The following ZNF385D variants were observed in gnomAD, a reference collection of about 807,000 sequenced individuals.
ZNF385D encodes zinc finger protein 659.
Under a neutral mutation model 35.8 loss-of-function variants are expected in ZNF385D, and 15 were observed. The observed-to-expected ratio is 0.42, with a 90% confidence interval of 0.28 to 0.64. ZNF385D has a LOEUF of 0.64. Among genes scored for constraint, ZNF385D ranks in the 30% least tolerant of loss-of-function variants. The pLI is 0.23. For synonymous variants in ZNF385D, 212 were observed against 186.8 expected, an observed-to-expected ratio of 1.13 and a Z score of -1.10; for missense variants, 474 against 494.6, an observed-to-expected ratio of 0.96 and a Z score of 0.39.
intron 3 of ZNF385D, among the ~76,000 whole-genome samples, chr3:21,938,385 G>A (rs1411573512): frequency 6.6e-6 from 1 of 152,104 alleles, no homozygotes; most frequent in Non-Finnish European, 1.5e-5. Flanking sequence ...AACTTAATTG[G>A]GCTGCAAGTG....
intron 3 of ZNF385D, among the ~76,000 whole-genome samples, chr3:21,862,287 T>G (rs1479263650): frequency 1.4e-5 from 2 of 145,364 alleles, no homozygotes; most frequent in African/African-American, 4.9e-5. Flanking sequence ...AGGCAGGATA[T>G]CTCTACTTTT....
chr3:21,813,703 G>C (rs1018820871), intron 3 of ZNF385D, among the ~76,000 whole-genome samples: 1 of 151,356 alleles, frequency 6.6e-6, no homozygotes, highest in Admixed American at 6.6e-5. Context: ...GGGACTCTGT[G>C]AAAAGACCAA....
intron 1 of ZNF385D, among the ~76,000 whole-genome samples, chr3:21,697,391 A>T (rs375014058): frequency 6.6e-6 from 1 of 152,174 alleles, no homozygotes; most frequent in African/African-American, 2.4e-5. Flanking sequence ...CTGACAATAA[A>T]AAGTTTCGTG....
intron 2 of ZNF385D, among the ~76,000 whole-genome samples, chr3:21,650,867 G>T (rs9864367): frequency 0.23 from 35,702 of 151,960 alleles, 4,343 homozygotes; most frequent in East Asian, 0.31. Context: ...GTTAACTGAT[G>T]GGAAGTTTTT....
intron 4 of ZNF385D, among the ~76,000 whole-genome samples, chr3:21,449,758 C>A (rs1278181770): frequency 6.6e-6 from 1 of 152,166 alleles, no homozygotes; most frequent in African/African-American, 2.4e-5. Context: ...AAAGCCTTAT[C>A]ATGGATGTGA....
chr3:21,619,413 CGTGTGTGTGTGTGT>C, intron 2 of ZNF385D, among the ~76,000 whole-genome samples: 1 of 147,856 alleles, frequency 6.8e-6, no homozygotes, highest in African/African-American at 2.5e-5. Context: ...CGTGTGTGTG[CGTGTGTGTGTGTGT>C]GTGTGTGTGT....
At chr3:21,918,144 C>CAA (rs1375466864) in intron 3 of ZNF385D, among the ~76,000 whole-genome samples, 2 of 152,040 alleles carry the variant, frequency 1.3e-5, no homozygotes, top group Non-Finnish European at 2.9e-5. Flanking sequence ...AATGTTTAGC[C>CAA]AAATTTTAAA....
intron 3 of ZNF385D, among the ~76,000 whole-genome samples, chr3:22,040,868 G>A (rs1698623912): frequency 6.6e-6 from 1 of 152,050 alleles, no homozygotes; most frequent in African/African-American, 2.4e-5. Context: ...CAATGGTCAA[G>A]TGTCTTGCTT....
chr3:22,184,939 T>A (rs1286667816), intron 2 of ZNF385D, among the ~76,000 whole-genome samples: 1 of 152,144 alleles, frequency 6.6e-6, no homozygotes, highest in African/African-American at 2.4e-5. Flanking sequence ...ATTTTTTTAA[T>A]CTTATTTTTT....
intron 2 of ZNF385D, among the ~76,000 whole-genome samples, chr3:22,280,582 T>C (rs1207024142): frequency 6.6e-6 from 1 of 152,096 alleles, no homozygotes; most frequent in Non-Finnish European, 1.5e-5. Flanking sequence ...TGGCTGTAAG[T>C]ATTTGGCTTT....
intron 2 of ZNF385D, among the ~76,000 whole-genome samples, chr3:22,324,325 AAC>A (rs1160070766): frequency 6.6e-6 from 1 of 152,118 alleles, no homozygotes; most frequent in Non-Finnish European, 1.5e-5. Context: ...GTAGAACAAC[AAC>A]ACACAATATT....
intron 2 of ZNF385D, among the ~76,000 whole-genome samples, chr3:22,325,564 G>A (rs1694636312): frequency 6.6e-6 from 1 of 152,110 alleles, no homozygotes; most frequent in Admixed American, 6.5e-5. Flanking sequence ...AGGAGTTCGA[G>A]ACCAGCCTGG....
At chr3:21,699,052 G>C (rs1382409715) in intron 1 of ZNF385D, among the ~76,000 whole-genome samples, 2 of 151,948 alleles carry the variant, frequency 1.3e-5, no homozygotes, top group African/African-American at 4.8e-5. Context: ...TGTTTATTGT[G>C]GCACTGTTCA....
chr3:21,739,693 G>T (rs749407461), intron 1 of ZNF385D, among the ~76,000 whole-genome samples: 1 of 152,166 alleles, frequency 6.6e-6, no homozygotes, highest in African/African-American at 2.4e-5. Flanking sequence ...TGATTTAAAA[G>T]CTGCCCTCCT....
intron 2 of ZNF385D, among the ~76,000 whole-genome samples, chr3:22,333,413 T>C (rs1695024971): frequency 6.6e-6 from 1 of 152,310 alleles, no homozygotes; most frequent in East Asian, 1.9e-4. Flanking sequence ...AAATGTTAAA[T>C]TGACTTTTCG....
chr3:22,204,773 G>C (rs958083303), intron 2 of ZNF385D, among the ~76,000 whole-genome samples: 1 of 149,600 alleles, frequency 6.7e-6, no homozygotes, highest in African/African-American at 2.4e-5. Context: ...ACAAAAGAGA[G>C]AATTAGTGAG....
chr3:21,476,841 C>G (rs547895076), intron 4 of ZNF385D, among the ~76,000 whole-genome samples: 1 of 152,116 alleles, frequency 6.6e-6, no homozygotes, highest in African/African-American at 2.4e-5. Flanking sequence ...TCTTTCCCAT[C>G]TGTGGAAGAG....
intron 2 of ZNF385D, among the ~76,000 whole-genome samples, chr3:22,253,528 T>C (rs1700165566): frequency 6.6e-6 from 1 of 151,944 alleles, no homozygotes; most frequent in South Asian, 2.1e-4. Flanking sequence ...ATGCTGATGG[T>C]GATAAATAAA....
chr3:22,337,717 T>A (rs1454900234), intron 2 of ZNF385D, among the ~76,000 whole-genome samples: 2 of 152,114 alleles, frequency 1.3e-5, no homozygotes, highest in African/African-American at 2.4e-5. Context: ...GCTTCAATAT[T>A]CTCTACCTCC....
Sources: allele counts gnomAD v4.1 joint callset (sites outside exome capture counted in the v4.1 genomes callset), GRCh38; gene constraint gnomAD v4.1.1; transcripts MANE v1.5; gene names NCBI Gene and HGNC (gene_info 2026-07-23, HGNC 2026-07-21).